The following DAB1 variants were observed in gnomAD, a reference collection of about 807,000 sequenced individuals.
The protein encoded by DAB1 is DAB adaptor protein 1.
Under a neutral mutation model 64.6 loss-of-function variants are expected in DAB1, and 15 were observed. The ratio of observed to expected loss-of-function variants is 0.23; its 90% CI spans 0.16 to 0.36. The LOEUF (loss-of-function observed/expected upper bound fraction) is 0.36, where lower values mean the gene tolerates loss of function less well. Ranked by LOEUF, DAB1 falls within the 10% of genes least tolerant of loss-of-function variation. DAB1 has a pLI of 1.00. For synonymous variants in DAB1, 235 were observed against 251.9 expected, an observed-to-expected ratio of 0.93 and a Z score of 0.64; for missense variants, 596 against 706.7, an observed-to-expected ratio of 0.84 and a Z score of 1.78.
At chr1:57,790,736 C>T (rs572482925) in intron 6 of DAB1, among the ~76,000 whole-genome samples, 106 of 152,220 alleles carry the variant, frequency 7.0e-4, no homozygotes, top group African/African-American at 2.4e-3. Flanking sequence ...ATATCTATCG[C>T]TAAAGAATGA....
At position 57,001,099 on chromosome 1, in the gene DAB1, G is replaced by A. The variant is rs190290232; in HGVS notation, c.*16-2971C>T. On this transcript the variant is annotated intron_variant, in intron 14 of 14. Transcript: ENST00000371236. Reference sequence around the variant, plus strand: ...AGTCTGACACTGTGATGCATTATACGTTTTGGCAATAGCTGTACCTTCCTT... The same window carrying A: ...AGTCTGACACTGTGATGCATTATACATTTTGGCAATAGCTGTACCTTCCTT... Among the ~76,000 whole-genome samples, 169 of 152,278 alleles carry A rather than the reference G, an allele frequency of 1.1e-3. 3 individuals carry two copies. In the South Asian group the frequency reaches 0.033, roughly 29 times the overall value.
chr1:57,403,874 A>G (rs1005662864), intron 1 of DAB1, among the ~76,000 whole-genome samples: 3 of 152,208 alleles, frequency 2.0e-5, no homozygotes, highest in Non-Finnish European at 2.9e-5. Flanking sequence ...CACTAGCTAC[A>G]TTTCAAATAC....
chr1:57,229,781 A>G (rs1667535235), intron 2 of DAB1, among the ~76,000 whole-genome samples: 1 of 152,176 alleles, frequency 6.6e-6, no homozygotes, highest in Admixed American at 6.5e-5. Flanking sequence ...AAGGAAACAC[A>G]TTGTTACTTT....
chr1:57,970,594 C>A (rs1645774111), intron 5 of DAB1, among the ~76,000 whole-genome samples: 1 of 152,120 alleles, frequency 6.6e-6, no homozygotes, highest in Admixed American at 6.6e-5. Flanking sequence ...CAGCAGATTA[C>A]CCAGAAGATA....
At chr1:58,264,323 C>A (rs1350229539) in intron 4 of DAB1, among the ~76,000 whole-genome samples, 2 of 152,090 alleles carry the variant, frequency 1.3e-5, no homozygotes, top group African/African-American at 4.8e-5. Context: ...TTAGAGACCC[C>A]CAATAAATTC....
chr1:58,378,971 A>C, intron 3 of DAB1, among the ~76,000 whole-genome samples: 1 of 136,078 alleles, frequency 7.3e-6, no homozygotes, highest in African/African-American at 3.0e-5. Context: ...CCTTTCTTTG[A>C]CTCGGAAAGG....
At chr1:57,693,958 A>T (rs1646794655) in intron 6 of DAB1, among the ~76,000 whole-genome samples, 1 of 152,128 alleles carries the variant, frequency 6.6e-6, no homozygotes. Flanking sequence ...GAGCTTTTTA[A>T]TTTGATGTGA....
intron 7 of DAB1, among the ~76,000 whole-genome samples, chr1:57,436,562 G>A (rs922211319): frequency 2.6e-5 from 4 of 152,100 alleles, no homozygotes; most frequent in Non-Finnish European, 4.4e-5. Flanking sequence ...TGTTATACCC[G>A]TAATATAAAC....
chr1:57,218,889 C>T (rs1026516277), intron 2 of DAB1, among the ~76,000 whole-genome samples: 5 of 152,050 alleles, frequency 3.3e-5, no homozygotes, highest in East Asian at 1.9e-4. Flanking sequence ...CGGCCAGCAG[C>T]GGTGAGGGGA....
intron 7 of DAB1, among the ~76,000 whole-genome samples, chr1:57,470,070 G>C (rs1260842381): frequency 6.6e-6 from 1 of 152,154 alleles, no homozygotes; most frequent in Non-Finnish European, 1.5e-5. Flanking sequence ...AAAGAACACT[G>C]GACTTGGACT....
intron 12 of DAB1, among the ~76,000 whole-genome samples, chr1:57,013,310 C>T (rs1646321600): frequency 6.6e-6 from 1 of 152,206 alleles, no homozygotes; most frequent in African/African-American, 2.4e-5. Context: ...GGAGCCAGTT[C>T]CTGCCCTCAA....
At chr1:58,194,291 G>A (rs545884994) in intron 4 of DAB1, among the ~76,000 whole-genome samples, 14 of 152,182 alleles carry the variant, frequency 9.2e-5, no homozygotes, top group African/African-American at 3.4e-4. Context: ...TATTTCAACT[G>A]GCCTCTCTGA....
chr1:57,279,218 T>C (rs1671704499), intron 2 of DAB1, among the ~76,000 whole-genome samples: 1 of 152,158 alleles, frequency 6.6e-6, no homozygotes, highest in African/African-American at 2.4e-5. Flanking sequence ...GATAACAAAA[T>C]CTAAAGATAT....
Position 56,996,433 on chromosome 1 carries a change from T to G in DAB1, c.*1711A>C, listed in dbSNP as rs1336910367. On this transcript the variant is annotated 3_prime_UTR_variant, in exon 15 of 15. Transcript: ENST00000371236. The stretch of plus-strand genomic sequence containing the variant: ...AGGGCAAAAATATATAGATTCTTTA[T>G]GAAAATCATGTGCTAAACATACGAA... 1 of 152,204 alleles carries G rather than the reference T, an allele frequency of 6.6e-6. No individual in the cohort carries two copies. The highest frequency in any genetic ancestry group is 1.5e-5 in the Non-Finnish European group (1 of 68,036). The allele number at this position is 152,204 out of a possible 1,614,324, so 9.4% of individuals were successfully genotyped here.
At chr1:57,656,048 A>C (rs1045610835) in intron 6 of DAB1, among the ~76,000 whole-genome samples, 1 of 152,108 alleles carries the variant, frequency 6.6e-6, no homozygotes, top group Admixed American at 6.6e-5. Flanking sequence ...ATGAGGGTGG[A>C]GCCTTCATGA....
intron 6 of DAB1, among the ~76,000 whole-genome samples, chr1:57,699,097 T>C (rs1646878829): frequency 1.3e-5 from 2 of 152,020 alleles, no homozygotes; most frequent in Non-Finnish European, 2.9e-5. Flanking sequence ...GCCACCATGC[T>C]CTGCTAAGTT....
intron 5 of DAB1, among the ~76,000 whole-genome samples, chr1:58,072,579 A>G (rs900180177): frequency 1.3e-5 from 2 of 152,032 alleles, no homozygotes; most frequent in African/African-American, 4.8e-5. Flanking sequence ...ATCAAGTCAG[A>G]TAGATCTGTC....
intron 7 of DAB1, among the ~76,000 whole-genome samples, chr1:57,567,472 A>G (rs6685941): frequency 0.23 from 34,245 of 152,132 alleles, 4,034 homozygotes; most frequent in South Asian, 0.41. Context: ...AATTAGGAAA[A>G]GAGGAAGTCA....
chr1:57,530,155 A>C (rs1644644668), intron 7 of DAB1, among the ~76,000 whole-genome samples: 2 of 152,194 alleles, frequency 1.3e-5, no homozygotes, highest in African/African-American at 4.8e-5. Flanking sequence ...ATTTTTAGGA[A>C]AGCACACTAT....
Sources: allele counts gnomAD v4.1 joint callset (sites outside exome capture counted in the v4.1 genomes callset), GRCh38; gene constraint gnomAD v4.1.1; transcripts MANE v1.5; gene names NCBI Gene and HGNC (gene_info 2026-07-23, HGNC 2026-07-21).